LIAS: variants seen among roughly 807,000 people sequenced by gnomAD.
LIAS encodes lipoic acid synthetase, also known as lipoyl synthase, mitochondrial.
A neutral mutation model predicts 49.4 loss-of-function variants in LIAS; 36 were observed. That is an observed-to-expected ratio of 0.73 (90% CI 0.56 to 0.96). The LOEUF is 0.96. LIAS is among the 40% of genes least tolerant of loss of function. LIAS has a pLI of 0.00. For synonymous variants in LIAS, 145 were observed against 155.8 expected (o/e 0.93, Z 0.52); for missense variants, 399 against 456.3 (o/e 0.87, Z 1.14).
In LIAS at chr4:39,477,638, T is replaced by A. The variant is rs1258929057; in HGVS notation, c.*523T>A. The A allele has an allele frequency of 6.6e-6, 1 of 152,332 alleles. No individual in the cohort carries two copies. Among genetic ancestry groups the A allele is most frequent in the Non-Finnish European group, 1.5e-5 (1 of 68,130 alleles). 9.4% of individuals were successfully genotyped at this position (152,332 alleles called of 1,614,324 possible). On this transcript the variant is annotated 3_prime_UTR_variant, in exon 11 of 11. Transcript: ENST00000640888. ...GTCCCAATTAAACAGTTGCTTGCTG[T>A]GATGTAATCTTAAAATATCTTTGTA... is the stretch of plus-strand genomic sequence containing the variant.
At chr4:39,461,638 T>C (rs967605959) in intron 2 of LIAS, among the ~76,000 whole-genome samples, 2 of 152,180 alleles carry the variant, frequency 1.3e-5, no homozygotes, top group Non-Finnish European at 2.9e-5. Flanking sequence ...AACTCTGCCT[T>C]TGCAAAAAAG....
At chr4:39,470,889 T>C (rs1223339053) in intron 8 of LIAS, among the ~76,000 whole-genome samples, 2 of 152,058 alleles carry the variant, frequency 1.3e-5, no homozygotes, top group Admixed American at 1.3e-4. Flanking sequence ...CTCTATAATA[T>C]AGGTGCATTG....
At chr4:39,467,734 A>G (rs1354600290) in intron 7 of LIAS, 88 bp downstream of exon 7, 3 of 1,268,790 alleles carry the variant, frequency 2.4e-6, no homozygotes, top group Non-Finnish European at 2.1e-6. Flanking sequence ...GAACTTTGCC[A>G]TTGACTTTTA....
At chr4:39,465,015 T>C in intron 4 of LIAS, 31 bp from the exon 5 acceptor site, 3 of 1,575,612 alleles carry the variant, frequency 1.9e-6, no homozygotes, top group Non-Finnish European at 2.6e-6. Flanking sequence ...CATCTGTCTA[T>C]TTCATTTAAA....
intron 6 of LIAS, 131 bp from the exon 7 acceptor site, chr4:39,467,387 A>T: frequency 1.2e-6 from 1 of 812,580 alleles, no homozygotes; most frequent in Admixed American, 3.1e-5. Context: ...CTGTATGTTC[A>T]TACTTTTCTT....
Position 39,471,231 on chromosome 4 carries a change from TAC to T in LIAS, c.884-3_884-2del. 6.2e-7 allele frequency: 1 copy of T among 1,606,096 alleles called. No homozygotes were observed. On this transcript the variant is annotated splice_region_variant and splice_polypyrimidine_tract_variant and intron_variant, in intron 8 of 10. Transcript: ENST00000640888. The stretch of plus-strand genomic sequence containing the variant: ...CTAATGTAATTTGTGCTTTTCTTCC[TAC>T]AGCACTTCGTGAGGCAGATGTAGAC...
intron 10 of LIAS, 173 bp downstream of exon 10, chr4:39,473,384 A>G: frequency 2.2e-6 from 1 of 452,120 alleles, no homozygotes; most frequent in South Asian, 5.1e-5. Context: ...GGATCATATT[A>G]AGAAAAGTTT....
intron 3 of LIAS, 148 bp from the exon 4 acceptor site, chr4:39,463,377 C>A: frequency 9.5e-7 from 1 of 1,053,450 alleles, no homozygotes; most frequent in Non-Finnish European, 1.3e-6. Context: ...AGCCAGCGCA[C>A]TTGGTCTTAA....
chr4:39,472,604 A>G (rs529768097), intron 9 of LIAS, among the ~76,000 whole-genome samples: 51 of 152,302 alleles, frequency 3.3e-4, no homozygotes, highest in African/African-American at 1.2e-3. Flanking sequence ...TTAGAGCCAG[A>G]GGCGAAGAAA....
rs986314436 is a variant in LIAS, at chr4:39,478,809, T to C, written c.*1694T>C. ...GACTGAATCCTGCCTTTCTACTTTT[T>C]CTGCATATCTAAAAGGACACTTTTA... On this transcript the variant is annotated 3_prime_UTR_variant, in exon 11 of 11. Transcript: ENST00000640888. 22 of 152,236 alleles carry C rather than the reference T, an allele frequency of 1.4e-4. No individual in the cohort carries two copies. The highest frequency in any genetic ancestry group is 2.2e-4 in the Non-Finnish European group (15 of 68,030). The allele number at this position is 152,236 out of a possible 1,614,324, so 9.4% of individuals were successfully genotyped here. A position where few individuals can be genotyped will look rare whatever the true frequency, so the allele number is the denominator to read the frequency against.
In LIAS at chr4:39,467,611, T is replaced by G. The variant is rs1744809997; in HGVS notation, c.702T>G (p.Tyr234Ter). ...EKVALSGLDVYAHNVETVPEL... is the reference protein window; with the variant it reads ...EKVALSGLDV ...TTGCTCTGTCAGGATTAGATGTGTA[T>G]GCACATAATGTAGAAACAGTCCCGG... is the stretch of plus-strand genomic sequence containing the variant. Residue 234 changes from tyrosine (Y) to a stop codon, truncating the protein, a stop_gained, in exon 7 of 11, where the codon TAT (tyrosine) becomes TAG (stop). Transcript: ENST00000640888. LOFTEE classifies it high-confidence loss of function. 6.3e-7 allele frequency: 1 copy of G among 1,598,746 alleles called. No individual in the cohort carries two copies. The highest frequency in any genetic ancestry group is 8.5e-7 in the Non-Finnish European group (1 of 1,172,186).
chr4:39,459,744 C>T (rs558090013), intron 1 of LIAS, among the ~76,000 whole-genome samples: 2 of 152,214 alleles, frequency 1.3e-5, no homozygotes, highest in Non-Finnish European at 1.5e-5. Flanking sequence ...AACAATGTAA[C>T]CTAGAAAGTA....
chr4:39,461,898 T>C (rs1049295302), intron 2 of LIAS, among the ~76,000 whole-genome samples: 1 of 152,150 alleles, frequency 6.6e-6, no homozygotes, highest in African/African-American at 2.4e-5. Flanking sequence ...CTTCACCATA[T>C]TGGCCAAACT....
intron 4 of LIAS, among the ~76,000 whole-genome samples, chr4:39,464,686 G>A (rs1386976318): frequency 1.3e-5 from 2 of 152,026 alleles, no homozygotes; most frequent in African/African-American, 2.4e-5. Flanking sequence ...GGGTCTCACC[G>A]TGTTGCCCAT....
chr4:39,467,726 A>T, intron 7 of LIAS, 80 bp downstream of exon 7: 1 of 1,309,746 alleles, frequency 7.6e-7, no homozygotes, highest in East Asian at 2.7e-5. Flanking sequence ...CCAGGGCTGA[A>T]CTTTGCCATT....
intron 9 of LIAS, among the ~76,000 whole-genome samples, chr4:39,472,143 A>G (rs1745015469): frequency 6.6e-6 from 1 of 151,940 alleles, no homozygotes; most frequent in Admixed American, 6.6e-5. Context: ...ACACACACAC[A>G]CACATATATA....
At chr4:39,469,928 A>G in intron 7 of LIAS, 91 bp from the exon 8 acceptor site, 1 of 1,154,942 alleles carries the variant, frequency 8.7e-7, no homozygotes, top group Non-Finnish European at 1.2e-6. Context: ...AATGTGCAGA[A>G]TGTACTTCTC....
In LIAS at chr4:39,463,563, T is replaced by C. The variant is rs1456026196; in HGVS notation, c.351T>C (p.Cys117=). 1.9e-6 allele frequency: 3 copies of C among 1,612,698 alleles called. No homozygotes were observed. Among genetic ancestry groups the C allele is most frequent in the African/African-American group, 1.3e-5 (1 of 74,882 alleles). The change falls in exon 4 of 11, where the codon TGT becomes TGC. Residue 117 remains cysteine, a synonymous_variant. Coordinates refer to ENST00000640888, the MANE Select transcript of LIAS (RefSeq NM_006859.4). ...EEARCPNIGE[C]WGGGEYATAT... is the part of the protein sequence containing the mutation. Reference sequence around the variant, plus strand: ...CTCGATGTCCCAATATTGGAGAGTGTTGGGGAGGTGGAGAATATGCCACCG... The same window carrying C: ...CTCGATGTCCCAATATTGGAGAGTGCTGGGGAGGTGGAGAATATGCCACCG...
At chr4:39,462,713 G>A (rs758116887) in intron 3 of LIAS, among the ~76,000 whole-genome samples, 7 of 152,194 alleles carry the variant, frequency 4.6e-5, no homozygotes, top group Non-Finnish European at 8.8e-5. Flanking sequence ...GGCCAGGTGC[G>A]GTGGCTCACA....
Sources: allele counts gnomAD v4.1 joint callset (sites outside exome capture counted in the v4.1 genomes callset), GRCh38; gene constraint gnomAD v4.1.1; transcripts MANE v1.5; gene names NCBI Gene and HGNC (gene_info 2026-07-23, HGNC 2026-07-21).